The following FHIT variants were observed in gnomAD, a reference collection of about 807,000 sequenced individuals.
The protein encoded by FHIT is bis(5'-adenosyl)-triphosphatase.
A neutral mutation model predicts 17.9 loss-of-function variants in FHIT; 19 were observed. The ratio of observed to expected loss-of-function variants is 1.06; its 90% CI spans 0.74 to 1.56. The LOEUF (loss-of-function observed/expected upper bound fraction) is 1.56, where lower values mean the gene tolerates loss of function less well. Ranked by LOEUF, FHIT falls within the 40% of genes most tolerant of loss-of-function variation. The probability of loss-of-function intolerance (pLI) is 0.00; values close to 1 mark genes in which losing one functional copy is unlikely to be tolerated. For missense variants in FHIT, 248 were observed against 189.2 expected, an observed-to-expected ratio of 1.31 and a Z score of -1.82; for synonymous variants, 81 against 69.7, an observed-to-expected ratio of 1.16 and a Z score of -0.81.
In FHIT at chr3:60,650,835, C is replaced by T. The variant is rs141762349; in HGVS notation, c.-17-113856G>A. Among the ~76,000 whole-genome samples, 93 of 152,088 alleles carry T rather than the reference C, an allele frequency of 6.1e-4. 1 individual carries two copies. Among genetic ancestry groups the T allele is most frequent in the Middle Eastern group, 6.8e-3 (2 of 294 alleles). Reference sequence around the variant, plus strand: ...AAAACCAAACATAGTTACTAGAAAACATCTGAAAAATGCAACAAAATTTTA... The same window carrying T: ...AAAACCAAACATAGTTACTAGAAAATATCTGAAAAATGCAACAAAATTTTA... On this transcript the variant is annotated intron_variant, in intron 4 of 9. Transcript: ENST00000492590.
chr3:59,885,378 A>G (rs990658940), intron 8 of FHIT, among the ~76,000 whole-genome samples: 1 of 151,900 alleles, frequency 6.6e-6, no homozygotes, highest in Non-Finnish European at 1.5e-5. Flanking sequence ...CAGTGACCGC[A>G]GGAACAAAAA....
At chr3:61,210,775 C>T (rs993430450) in intron 1 of FHIT, among the ~76,000 whole-genome samples, 1 of 151,944 alleles carries the variant, frequency 6.6e-6, no homozygotes, top group Non-Finnish European at 1.5e-5. Context: ...ATGCCTCGCC[C>T]TGCTTCGGCT....
intron 5 of FHIT, among the ~76,000 whole-genome samples, chr3:60,391,666 C>T (rs753474650): frequency 1.1e-4 from 17 of 152,204 alleles, no homozygotes; most frequent in Non-Finnish European, 1.9e-4. Flanking sequence ...CAATAACATG[C>T]TGTGCAGGTA....
In FHIT at chr3:60,012,526, C is replaced by G. The variant is rs570492137; in HGVS notation, c.250-1126G>C. On this transcript the variant is annotated intron_variant, in intron 6 of 9. Transcript: ENST00000492590. ...TCAAGAGAGCTGCCGGTCTTAGCCT[C>G]CCAAAGTGCTGGGATTACAGGTGTG... 2.9e-4 allele frequency among the ~76,000 whole-genome samples: 44 copies of G among 152,108 alleles called. 1 individual carries two copies. The highest frequency in any genetic ancestry group is 6.8e-3 in the Middle Eastern group (2 of 294).
chr3:60,967,634 T>G (rs1047198583), intron 3 of FHIT, among the ~76,000 whole-genome samples: 3 of 152,200 alleles, frequency 2.0e-5, no homozygotes, highest in Non-Finnish European at 2.9e-5. Flanking sequence ...GTTTAAGTTT[T>G]AGGAGCAGGT....
At chr3:60,255,465 T>C (rs1705940264) in intron 5 of FHIT, among the ~76,000 whole-genome samples, 1 of 151,818 alleles carries the variant, frequency 6.6e-6, no homozygotes, top group African/African-American at 2.4e-5. Context: ...TAGGGAGTAG[T>C]GGGAACTGCA....
At chr3:60,210,158 G>C (rs1197973320) in intron 5 of FHIT, among the ~76,000 whole-genome samples, 1 of 152,156 alleles carries the variant, frequency 6.6e-6, no homozygotes, top group Non-Finnish European at 1.5e-5. Flanking sequence ...CAAGTGAATG[G>C]AGAATTTGGT....
intron 2 of FHIT, among the ~76,000 whole-genome samples, chr3:61,082,876 C>T (rs1247626988): frequency 6.6e-6 from 1 of 151,922 alleles, no homozygotes; most frequent in African/African-American, 2.4e-5. Flanking sequence ...GGCTATTTTT[C>T]TCCCATCCAA....
At chr3:60,766,858 G>A (rs1699872409) in intron 4 of FHIT, among the ~76,000 whole-genome samples, 1 of 152,184 alleles carries the variant, frequency 6.6e-6, no homozygotes, top group African/African-American at 2.4e-5. Flanking sequence ...CCCTGAAGAA[G>A]TCACAGTTCA....
intron 4 of FHIT, among the ~76,000 whole-genome samples, chr3:60,817,843 T>C (rs1309113856): frequency 1.3e-5 from 2 of 152,146 alleles, no homozygotes; most frequent in Non-Finnish European, 2.9e-5. Flanking sequence ...TTTCATTCTC[T>C]TTCTCTTCTC....
intron 4 of FHIT, among the ~76,000 whole-genome samples, chr3:60,791,279 A>C (rs545845850): frequency 2.0e-3 from 300 of 152,318 alleles, no homozygotes; most frequent in African/African-American, 6.9e-3. Context: ...GAAAAAAAAA[A>C]CATGAAAATC....
chr3:61,106,597 G>A (rs2035996039), intron 2 of FHIT, among the ~76,000 whole-genome samples: 1 of 152,108 alleles, frequency 6.6e-6, no homozygotes, highest in East Asian at 1.9e-4. Flanking sequence ...TTTAAAATAT[G>A]TATGCATTGT....
chr3:60,312,003 G>A (rs1189677789), intron 5 of FHIT, among the ~76,000 whole-genome samples: 1 of 152,018 alleles, frequency 6.6e-6, no homozygotes, highest in Non-Finnish European at 1.5e-5. Context: ...CAATTTAGTG[G>A]GCCGTGACCA....
intron 8 of FHIT, among the ~76,000 whole-genome samples, chr3:59,876,043 A>C (rs1296507972): frequency 6.6e-6 from 1 of 152,168 alleles, no homozygotes; most frequent in African/African-American, 2.4e-5. Context: ...AGAAATCAAA[A>C]AGAATCATCA....
intron 3 of FHIT, among the ~76,000 whole-genome samples, chr3:60,823,190 A>G (rs1701987951): frequency 1.3e-5 from 2 of 152,186 alleles, no homozygotes; most frequent in African/African-American, 4.8e-5. Flanking sequence ...GGAGACAAAC[A>G]AACAAAATAC....
At chr3:60,939,457 A>G (rs1177227790) in intron 3 of FHIT, among the ~76,000 whole-genome samples, 2 of 152,202 alleles carry the variant, frequency 1.3e-5, no homozygotes, top group Non-Finnish European at 2.9e-5. Context: ...CCTAGAATCC[A>G]TAATTAACTA....
intron 4 of FHIT, among the ~76,000 whole-genome samples, chr3:60,686,595 T>C (rs1553698512): frequency 6.6e-6 from 1 of 152,106 alleles, no homozygotes; most frequent in Non-Finnish European, 1.5e-5. Flanking sequence ...TCTATATTGA[T>C]ATTATCAAAT....
At chr3:60,661,826 T>C (rs1241472458) in intron 4 of FHIT, among the ~76,000 whole-genome samples, 1 of 152,220 alleles carries the variant, frequency 6.6e-6, no homozygotes, top group Non-Finnish European at 1.5e-5. Context: ...GTTTTTCATA[T>C]GTTTGTTGGT....
At chr3:59,848,982 T>C (rs546980296) in intron 8 of FHIT, among the ~76,000 whole-genome samples, 6 of 152,360 alleles carry the variant, frequency 3.9e-5, no homozygotes, top group Admixed American at 3.3e-4. Flanking sequence ...CCTGTCATCA[T>C]GCAAATTCCA....
Sources: allele counts gnomAD v4.1 joint callset (sites outside exome capture counted in the v4.1 genomes callset), GRCh38; gene constraint gnomAD v4.1.1; transcripts MANE v1.5; gene names NCBI Gene and HGNC (gene_info 2026-07-23, HGNC 2026-07-21).